RFX1: variants seen among roughly 807,000 people sequenced by gnomAD.
RFX1 encodes regulatory factor X1.
A neutral mutation model predicts 119.6 loss-of-function variants in RFX1; 42 were observed. The observed-to-expected ratio is 0.35, with a 90% confidence interval of 0.27 to 0.45. The LOEUF (loss-of-function observed/expected upper bound fraction) is 0.45. Among genes scored for constraint, RFX1 ranks in the 20% least tolerant of loss-of-function variants. The pLI, the probability that RFX1 is intolerant of heterozygous loss-of-function variation, is 1.00. For synonymous variants in RFX1, 628 were observed against 618.5 expected (o/e 1.02, Z -0.23); for missense variants, 1,118 against 1,368.1 (o/e 0.82, Z 2.88).
intron 4 of RFX1, 68 bp from the exon 5 acceptor site, chr19:13,982,296 G>GATGACAGCC: frequency 1.0e-5 from 9 of 868,962 alleles, no homozygotes; most frequent in African/African-American, 8.6e-5. Context: ...CCGAGCATCT[G>GATGACAGCC]CGCAGTGCCA....
chr19:13,962,660 G>T lies in RFX1; in HGVS notation c.*35C>A, dbSNP rs188167241. 6.8e-7 allele frequency: 1 copy of T among 1,478,680 alleles called. No homozygotes were observed. The highest frequency in any genetic ancestry group is 9.0e-7 in the Non-Finnish European group (1 of 1,115,522). The allele number at this position is 1,478,680 out of a possible 1,614,324, so 91.6% of individuals were successfully genotyped here. ...CTTTGAGGGACCCTGGCGTGGAGGG[G>T]TGGCGGGGGCGGGTGGGGCGGGGAG... On this transcript the variant is annotated 3_prime_UTR_variant, in exon 21 of 21. Transcript: ENST00000254325.
intron 4 of RFX1, 29 bp downstream of exon 4, chr19:13,983,158 A>G (rs976331622): frequency 3.9e-6 from 6 of 1,520,706 alleles, no homozygotes; most frequent in Non-Finnish European, 4.4e-6. Flanking sequence ...GGAGCCTTCC[A>G]GGGTGGTGGC....
At chr19:13,970,661 CAAAAAAAAAAAAAAAAAAA>C (rs1167910642) in intron 9 of RFX1, among the ~76,000 whole-genome samples, 14 of 25,822 alleles carry the variant, frequency 5.4e-4, no homozygotes, top group Non-Finnish European at 7.6e-4. Context: ...GACCTTGTCT[CAAAAAAAAAAAAAAAAAAA>C]AAAAAAAAAA....
intron 8 of RFX1, among the ~76,000 whole-genome samples, chr19:13,973,885 G>C (rs538510241): frequency 6.6e-6 from 1 of 151,524 alleles, no homozygotes; most frequent in East Asian, 1.9e-4. Context: ...ACCCGCCTCA[G>C]TCTCCCACAG....
At position 13,972,935 on chromosome 19, in the gene RFX1, A is replaced by T; in HGVS notation, c.1122T>A (p.Ala374=). The T allele has an allele frequency of 6.3e-7, 1 of 1,598,858 alleles. No homozygotes were observed. Among genetic ancestry groups the T allele is most frequent in the South Asian group, 1.1e-5 (1 of 90,904 alleles). ...QVVASSTSTG[A]GASNSSGGGG... ...CACCTCCGCTGCTGTTGCTGGCCCC[A>T]GCCCCAGTGCTGGTGGAGCTGGCGA... Residue 374 remains alanine, a synonymous_variant, in exon 9 of 21, where the codon GCT becomes GCA. Coordinates refer to ENST00000254325, the MANE Select transcript of RFX1 (RefSeq NM_002918.5).
intron 8 of RFX1, among the ~76,000 whole-genome samples, chr19:13,975,852 A>G (rs990181532): frequency 6.6e-6 from 1 of 152,246 alleles, no homozygotes; most frequent in Non-Finnish European, 1.5e-5. Context: ...AACTCGCAGT[A>G]ATTCACTCAG....
At chr19:13,977,648 C>T (rs1405097993) in intron 8 of RFX1, among the ~76,000 whole-genome samples, 1 of 152,018 alleles carries the variant, frequency 6.6e-6, no homozygotes, top group African/African-American at 2.4e-5. Flanking sequence ...AACTCCTGAC[C>T]TCAAGTGATC....
intron 1 of RFX1, among the ~76,000 whole-genome samples, chr19:13,996,925 T>A (rs1172363123): frequency 1.3e-5 from 2 of 152,104 alleles, no homozygotes; most frequent in Non-Finnish European, 2.9e-5. Flanking sequence ...GGTTTCACCA[T>A]GTTGGTTGGG....
At chr19:13,983,313 A>T in intron 3 of RFX1, 43 bp from the exon 4 acceptor site, 1 of 1,496,280 alleles carries the variant, frequency 6.7e-7, no homozygotes, top group South Asian at 1.2e-5. Context: ...CACTTCCCCC[A>T]GGGAGGCCTG....
rs200603006 is a variant in RFX1, at chr19:13,973,046, C to T, written c.1011G>A (p.Thr337=). The change falls in exon 9 of 21, where the codon ACG becomes ACA. Residue 337 remains threonine, a synonymous_variant. Transcript: ENST00000254325. ...TGGCGGGGGTGCTGACCTGGGTGGCCGTGCCTGCGGCCTCGTAGTAGCTGG... is the reference window on the plus strand; with the variant it reads ...TGGCGGGGGTGCTGACCTGGGTGGCTGTGCCTGCGGCCTCGTAGTAGCTGG... The part of the protein sequence containing the change: ...ASTSYYEAAG[T]ATQVSTPATS... 33 of 1,601,696 alleles carry T rather than the reference C, an allele frequency of 2.1e-5. 1 individual carries two copies. Among genetic ancestry groups the T allele is most frequent in the East Asian group, 1.6e-4 (7 of 44,866 alleles).
chr19:13,973,669 C>T (rs1974164372), intron 8 of RFX1, among the ~76,000 whole-genome samples: 1 of 152,234 alleles, frequency 6.6e-6, no homozygotes, highest in Middle Eastern at 3.4e-3. Context: ...CTTGCTCTGT[C>T]ACCCAGGCTA....
Position 13,961,800 on chromosome 19 carries a change from C to G in RFX1, c.*895G>C, listed in dbSNP as rs375269446. 4 of 152,392 alleles carry G rather than the reference C, an allele frequency of 2.6e-5. No homozygotes were observed. In the East Asian group the frequency reaches 5.8e-4, roughly 22 times the overall value. 9.4% of individuals were successfully genotyped at this position (152,392 alleles called of 1,614,324 possible). The stretch of plus-strand genomic sequence containing the variant: ...TCACAGGCTGAAAACACTGAGAAAA[C>G]TGGAACAGATAAGGCCATGATGGTT... On this transcript the variant is annotated 3_prime_UTR_variant, in exon 21 of 21. Coordinates refer to ENST00000254325, the MANE Select transcript of RFX1 (RefSeq NM_002918.5).
intron 16 of RFX1, 68 bp from the exon 17 acceptor site, chr19:13,964,075 C>T (rs1360787386): frequency 6.2e-6 from 9 of 1,449,046 alleles, no homozygotes; most frequent in South Asian, 1.3e-5. Flanking sequence ...GGCCCCACCC[C>T]GCTGCAACCT....
rs1189334998 is a variant in RFX1, at chr19:13,993,830, G to T, written c.14C>A (p.Ala5Glu). ...CGGGGCTGCCTGTAGCTCAGTATACGCCTGTGTTGCCATGCCAACGGTGGG... is the reference window on the plus strand; with the variant it reads ...CGGGGCTGCCTGTAGCTCAGTATACTCCTGTGTTGCCATGCCAACGGTGGG... Reference protein sequence around the residue: MATQAYTELQAAPPP... With the variant: MATQEYTELQAAPPP... Residue 5 changes from alanine to glutamate, a missense_variant, in exon 2 of 21, where the codon GCG becomes GAG. By Grantham distance (107) the Ala-to-Glu change is moderately radical. Coordinates refer to ENST00000254325, the MANE Select transcript of RFX1 (RefSeq NM_002918.5). The T allele has an allele frequency of 1.9e-6, 3 of 1,568,378 alleles. No homozygotes were observed. The highest frequency in any genetic ancestry group is 2.6e-6 in the Non-Finnish European group (3 of 1,163,112).
At chr19:13,999,142 G>C (rs1447773374) in intron 1 of RFX1, among the ~76,000 whole-genome samples, 1 of 152,168 alleles carries the variant, frequency 6.6e-6, no homozygotes, top group African/African-American at 2.4e-5. Flanking sequence ...TTGTTCCCTA[G>C]AGAGAAATAA....
chr19:13,978,053 C>T lies in RFX1; in HGVS notation c.868G>A (p.Val290Met). 2 of 1,613,378 alleles carry T rather than the reference C, an allele frequency of 1.2e-6. No individual in the cohort carries two copies. Among genetic ancestry groups the T allele is most frequent in the Non-Finnish European group, 1.7e-6 (2 of 1,179,716 alleles). ...ACATACTGCACCTGGCTGGAGTACA[C>T]GTGTGGGACGGGCACCTGCTGGAGC... is the stretch of plus-strand genomic sequence containing the variant. ...QQLQQVPVPH[V>M]YSSQVQYVEG... The change falls in exon 8 of 21, where the codon GTG becomes ATG. Residue 290 changes from valine (V) to methionine (M), a missense_variant. Val to Met is a conservative substitution (Grantham distance 21). Coordinates refer to ENST00000254325, the MANE Select transcript of RFX1 (RefSeq NM_002918.5).
chr19:13,995,706 C>T (rs1177962221), intron 1 of RFX1, among the ~76,000 whole-genome samples: 1 of 152,092 alleles, frequency 6.6e-6, no homozygotes, highest in Non-Finnish European at 1.5e-5. Context: ...CAAAAATCAG[C>T]TGGGCATGGT....
At position 13,970,661 on chromosome 19, in the gene RFX1, C is replaced by CAAAA. The variant is rs1167910642; in HGVS notation, c.1315-490_1315-487dup. On this transcript the variant is annotated intron_variant, in intron 9 of 20. Coordinates refer to ENST00000254325, the MANE Select transcript of RFX1 (RefSeq NM_002918.5). ...GCCTGGATACAGTGAGACCTTGTCT[C>CAAAA]AAAAAAAAAAAAAAAAAAAAAAAAA... is the stretch of plus-strand genomic sequence containing the variant. Among the ~76,000 whole-genome samples, 31 of 25,828 alleles carry CAAAA rather than the reference C, an allele frequency of 1.2e-3. 7 individuals are homozygous for CAAAA. The highest frequency in any genetic ancestry group is 9.6e-3 in the East Asian group (3 of 312). The allele number at this position is 25,828 out of a possible 152,430, so 16.9% of individuals were successfully genotyped here.
In RFX1 at chr19:13,962,355, T is replaced by TGCCTGCCC; in HGVS notation, c.*332_*339dup. 2.9e-6 allele frequency: 1 copy of TGCCTGCCC among 349,048 alleles called. No individual in the cohort carries two copies. Among genetic ancestry groups the TGCCTGCCC allele is most frequent in the South Asian group, 4.0e-5 (1 of 24,908 alleles). The allele number at this position is 349,048 out of a possible 1,614,324, so 21.6% of individuals were successfully genotyped here. A position where few individuals can be genotyped will look rare whatever the true frequency, so the allele number is the denominator to read the frequency against. On this transcript the variant is annotated 3_prime_UTR_variant, in exon 21 of 21. Coordinates refer to ENST00000254325, the MANE Select transcript of RFX1 (RefSeq NM_002918.5). ...AGTTTCGCACGGGAGGGGGCCTGCCTGCCTGCCCCCTGGGGTGGTGGGAGG... is the reference window on the plus strand; with the variant it reads ...AGTTTCGCACGGGAGGGGGCCTGCCTGCCTGCCCGCCTGCCCCCTGGGGTGGTGGGAGG...
Sources: gnomAD v4.1 joint callset for allele counts (sites outside exome capture counted in the v4.1 genomes callset) on GRCh38, gnomAD v4.1.1 for gene constraint, MANE v1.5 for transcripts, NCBI Gene and HGNC (gene_info 2026-07-23, HGNC 2026-07-21) for gene names.